Variants in PPP1R1C observed in about 807,000 individuals in gnomAD.
PPP1R1C encodes the protein protein phosphatase 1 regulatory subunit 1C.
A neutral mutation model predicts 17.4 loss-of-function variants in PPP1R1C; 15 were observed. The observed-to-expected ratio is 0.86, with a 90% CI of 0.58 to 1.33. PPP1R1C has a LOEUF of 1.33. Ranked by LOEUF, PPP1R1C falls within the 40% of genes most tolerant of loss-of-function variation. The probability of loss-of-function intolerance (pLI) is 0.00; values close to 1 mark genes in which losing one functional copy is unlikely to be tolerated. For synonymous variants in PPP1R1C, 35 were observed against 43.1 expected, an observed-to-expected ratio of 0.81 and a Z score of 0.73; for missense variants, 143 against 130.0, an observed-to-expected ratio of 1.10 and a Z score of -0.48.
chr2:182,062,928 C>A (rs924956182), intron 3 of PPP1R1C, among the ~76,000 whole-genome samples: 10 of 152,086 alleles, frequency 6.6e-5, no homozygotes, highest in Non-Finnish European at 2.9e-5. Flanking sequence ...ACACTTGCCA[C>A]ATTAAAACAT....
chr2:182,022,692 C>T (rs1273319613), intron 2 of PPP1R1C, among the ~76,000 whole-genome samples: 1 of 152,218 alleles, frequency 6.6e-6, no homozygotes, highest in African/African-American at 2.4e-5. Context: ...TTAACCACTA[C>T]TGTAGAATCT....
chr2:182,009,390 A>G (rs1254191086), intron 2 of PPP1R1C, among the ~76,000 whole-genome samples: 2 of 152,120 alleles, frequency 1.3e-5, no homozygotes, highest in African/African-American at 4.8e-5. Context: ...AATGACTTTG[A>G]GCACCTTTTC....
At chr2:182,093,930 T>C (rs1176095906) in intron 4 of PPP1R1C, among the ~76,000 whole-genome samples, 2 of 152,234 alleles carry the variant, frequency 1.3e-5, no homozygotes, top group African/African-American at 4.8e-5. Flanking sequence ...AACTCCTGCC[T>C]GCTACCCAGT....
At chr2:181,993,283 C>G (rs1275247107) in intron 2 of PPP1R1C, among the ~76,000 whole-genome samples, 1 of 152,054 alleles carries the variant, frequency 6.6e-6, no homozygotes, top group African/African-American at 2.4e-5. Context: ...TTCATGGAGA[C>G]CCTCTATTTT....
In PPP1R1C at chr2:181,992,513, C is replaced by T. The variant is rs182243536; in HGVS notation, c.142+4614C>T. Among the ~76,000 whole-genome samples the T allele has an allele frequency of 8.5e-4, 113 of 133,614 alleles. 24 individuals carry two copies. The highest frequency in any genetic ancestry group is 7.7e-3 in the Admixed American group (104 of 13,550). The allele number at this position is 133,614 out of a possible 152,430, so 87.7% of individuals were successfully genotyped here. ...GTGGCATCCATTGTTTTCCATTTAC[C>T]GTTAAGCAGAGACAATATGGTTACA... On this transcript the variant is annotated intron_variant, in intron 2 of 4. Coordinates refer to ENST00000682840, the MANE Select transcript of PPP1R1C (RefSeq NM_001080545.3).
intron 1 of PPP1R1C, among the ~76,000 whole-genome samples, chr2:181,974,239 G>T (rs1271811319): frequency 6.6e-6 from 1 of 152,092 alleles, no homozygotes; most frequent in Non-Finnish European, 1.5e-5. Context: ...GAATCTAAGA[G>T]ATGGTTGTGA....
intron 2 of PPP1R1C, among the ~76,000 whole-genome samples, chr2:182,033,145 T>C (rs1167678884): frequency 6.6e-6 from 1 of 152,208 alleles, no homozygotes; most frequent in African/African-American, 2.4e-5. Flanking sequence ...GTTAACTTTC[T>C]TGCAATTCTT....
chr2:182,128,254 T>C (rs1689924777), intron 5 of PPP1R1C, among the ~76,000 whole-genome samples: 1 of 152,090 alleles, frequency 6.6e-6, no homozygotes, highest in African/African-American at 2.4e-5. Flanking sequence ...TTTCTGATAA[T>C]GATAAGTTTC....
At chr2:181,958,734 C>T (rs1290430428) in intron 1 of PPP1R1C, among the ~76,000 whole-genome samples, 4 of 152,204 alleles carry the variant, frequency 2.6e-5, no homozygotes, top group African/African-American at 9.7e-5. Context: ...AAATCATACA[C>T]TATGTACTCT....
chr2:181,996,687 G>T (rs528174655), intron 2 of PPP1R1C, among the ~76,000 whole-genome samples: 1 of 152,254 alleles, frequency 6.6e-6, no homozygotes, highest in East Asian at 1.9e-4. Context: ...AAAAGCTAGA[G>T]AATTTATAAT....
chr2:182,109,292 C>A (rs924100947), intron 4 of PPP1R1C, among the ~76,000 whole-genome samples: 1 of 152,134 alleles, frequency 6.6e-6, no homozygotes, highest in Non-Finnish European at 1.5e-5. Flanking sequence ...CAGTCTATGG[C>A]TTGTATTCGC....
chr2:181,970,344 C>A (rs1364838904), intron 1 of PPP1R1C, among the ~76,000 whole-genome samples: 1 of 152,168 alleles, frequency 6.6e-6, no homozygotes, highest in Admixed American at 6.5e-5. Flanking sequence ...GCAGCCATAT[C>A]TGCATTAGGG....
chr2:182,124,028 G>A (rs1334065791), intron 5 of PPP1R1C, among the ~76,000 whole-genome samples: 1 of 152,084 alleles, frequency 6.6e-6, no homozygotes, highest in African/African-American at 2.4e-5. Context: ...GTTAATTTTT[G>A]TATAAGGTTT....
chr2:182,094,876 T>C (rs1688886738), intron 4 of PPP1R1C, among the ~76,000 whole-genome samples: 1 of 152,202 alleles, frequency 6.6e-6, no homozygotes, highest in Admixed American at 6.5e-5. Context: ...ATTAGATGCA[T>C]TGTTGACTAG....
At chr2:181,990,239 C>T (rs1027328107) in intron 2 of PPP1R1C, among the ~76,000 whole-genome samples, 2 of 151,900 alleles carry the variant, frequency 1.3e-5, no homozygotes, top group African/African-American at 4.8e-5. Flanking sequence ...CCGGGGTTCA[C>T]GCCATTCTCC....
chr2:182,010,490 T>C (rs1412746761), intron 2 of PPP1R1C, among the ~76,000 whole-genome samples: 1 of 152,120 alleles, frequency 6.6e-6, no homozygotes, highest in Non-Finnish European at 1.5e-5. Context: ...ACAACTTTAC[T>C]GAATTAGTTT....
chr2:181,958,849 T>C (rs1684712780), intron 1 of PPP1R1C, among the ~76,000 whole-genome samples: 1 of 152,264 alleles, frequency 6.6e-6, no homozygotes, highest in Non-Finnish European at 1.5e-5. Flanking sequence ...ATTATATAAC[T>C]GTTTCACTAT....
At chr2:182,128,834 C>G (rs1175424735) in intron 5 of PPP1R1C, 1 of 152,094 alleles carries the variant, frequency 6.6e-6, no homozygotes, top group Non-Finnish European at 1.5e-5. Flanking sequence ...GGATAATTGA[C>G]TCTATCCTAG....
At chr2:182,033,894 GT>G (rs1686921795) in intron 2 of PPP1R1C, among the ~76,000 whole-genome samples, 1 of 152,156 alleles carries the variant, frequency 6.6e-6, no homozygotes, top group South Asian at 2.1e-4. Context: ...ACGCAGAAAA[GT>G]TTTAGAAATG....
Sources: gnomAD v4.1 joint callset for allele counts (sites outside exome capture counted in the v4.1 genomes callset) on GRCh38, gnomAD v4.1.1 for gene constraint, MANE v1.5 for transcripts, NCBI Gene and HGNC (gene_info 2026-07-23, HGNC 2026-07-21) for gene names.